Variants in GCNT2 observed in about 807,000 individuals in gnomAD.
GCNT2 encodes N-acetyllactosaminide beta-1,6-N-acetylglucosaminyl-transferase.
Under a neutral mutation model 34.2 loss-of-function variants are expected in GCNT2, and 34 were observed. The observed-to-expected ratio is 1.00, with a 90% CI of 0.76 to 1.32. The LOEUF (loss-of-function observed/expected upper bound fraction) is 1.32, where lower values mean the gene tolerates loss of function less well. Among genes scored for constraint, GCNT2 ranks in the 40% most tolerant of loss-of-function variants. GCNT2 has a pLI of 0.00. For synonymous variants in GCNT2, 212 were observed against 188.0 expected (o/e 1.13, Z -1.04); for missense variants, 584 against 489.4 (o/e 1.19, Z -1.82).
At chr6:10,581,069 A>G (rs1289310216) in intron 3 of GCNT2, among the ~76,000 whole-genome samples, 1 of 152,098 alleles carries the variant, frequency 6.6e-6, no homozygotes, top group East Asian at 1.9e-4. Flanking sequence ...CTGCCCAATT[A>G]TTTACTGGAA....
intron 3 of GCNT2, among the ~76,000 whole-genome samples, chr6:10,604,881 A>AAG: frequency 7.5e-6 from 1 of 133,748 alleles, no homozygotes. Context: ...AAGAAAAAGA[A>AAG]AGAAAAATGT....
At chr6:10,585,750 C>A in intron 3 of GCNT2, 1 of 1,404,240 alleles carries the variant, frequency 7.1e-7, no homozygotes, top group South Asian at 1.5e-5. Context: ...GGATTCAACC[C>A]TGGGGAACTG....
chr6:10,582,430 A>G (rs1331839865), intron 3 of GCNT2, among the ~76,000 whole-genome samples: 1 of 125,706 alleles, frequency 8.0e-6, no homozygotes, highest in Non-Finnish European at 1.6e-5. Context: ...TATATACTAT[A>G]ATTTAATATT....
In GCNT2 at chr6:10,535,146, T is replaced by G. The variant is rs375529530; in HGVS notation, c.925+5310T>G. Among the ~76,000 whole-genome samples, 47 of 152,252 alleles carry G rather than the reference T, an allele frequency of 3.1e-4. No homozygotes were observed. The East Asian group carries it at 6.8e-3, about 22-fold the overall frequency. ...TTGCAATGAGCCGAGATCGCGCCAC[T>G]GCACTTCAGCCTGGGTGACAGAGCG... On this transcript the variant is annotated intron_variant, in intron 3 of 4. Coordinates refer to ENST00000495262, the MANE Select transcript of GCNT2 (RefSeq NM_145649.5).
Position 10,529,849 on chromosome 6 carries a change from C to G in GCNT2, c.925+13C>G. The G allele has an allele frequency of 1.9e-6, 3 of 1,600,672 alleles. No homozygotes were observed. Among genetic ancestry groups the G allele is most frequent in the Non-Finnish European group, 2.6e-6 (3 of 1,168,612 alleles). On this transcript the variant is annotated intron_variant, in intron 3 of 4. Coordinates refer to ENST00000495262, the MANE Select transcript of GCNT2 (RefSeq NM_145649.5). The stretch of plus-strand genomic sequence containing the variant: ...AACAGGATTCCCGGTATGTACGTCT[C>G]TTAACTTTTATTTTTACGAATAAAC...
chr6:10,622,125 TTCC>T (rs1561842993), intron 4 of GCNT2, among the ~76,000 whole-genome samples: 1 of 152,160 alleles, frequency 6.6e-6, no homozygotes, highest in African/African-American at 2.4e-5. Context: ...GCAAGAAGGG[TTCC>T]CCTCCAAATG....
intron 3 of GCNT2, among the ~76,000 whole-genome samples, chr6:10,582,451 T>C (rs6907026): frequency 8.0e-6 from 1 of 125,164 alleles, no homozygotes; most frequent in Non-Finnish European, 1.6e-5. Context: ...TATTATATAA[T>C]ATATATAATA....
intron 3 of GCNT2, among the ~76,000 whole-genome samples, chr6:10,540,228 G>C (rs899446233): frequency 6.6e-6 from 1 of 152,160 alleles, no homozygotes; most frequent in Non-Finnish European, 1.5e-5. Context: ...AATGTCACCT[G>C]TCTGTAGTCT....
At chr6:10,616,686 C>G (rs1425383501) in intron 3 of GCNT2, among the ~76,000 whole-genome samples, 1 of 152,192 alleles carries the variant, frequency 6.6e-6, no homozygotes, top group South Asian at 2.1e-4. Context: ...TTGGTGCACT[C>G]ACAAACCCTG....
At chr6:10,581,989 T>C (rs1764086851) in intron 3 of GCNT2, 1 of 264,162 alleles carries the variant, frequency 3.8e-6, no homozygotes, top group Non-Finnish European at 5.7e-6. Flanking sequence ...CACTTATATG[T>C]ATATATAAAT....
intron 3 of GCNT2, chr6:10,556,278 A>ACGC (rs2113658918): frequency 6.7e-7 from 1 of 1,499,904 alleles, no homozygotes; most frequent in East Asian, 2.4e-5. Context: ...GACTCTCGGG[A>ACGC]TGAAACGGAA....
At chr6:10,624,040 G>A (rs1382959167) in intron 4 of GCNT2, among the ~76,000 whole-genome samples, 2 of 152,060 alleles carry the variant, frequency 1.3e-5, no homozygotes, top group Non-Finnish European at 2.9e-5. Context: ...GTATTGGTGG[G>A]GAGTGTTGCG....
Position 10,529,204 on chromosome 6 carries a change from C to T in GCNT2, c.293C>T (p.Ala98Val). Reference sequence around the variant, plus strand: ...GAAGAAGAGGCTGGGTTCCCTTTAGCTTACACAGTGACCATCCACAAAGAC... The same window carrying T: ...GAAGAAGAGGCTGGGTTCCCTTTAGTTTACACAGTGACCATCCACAAAGAC... ...LSEEEAGFPL[A>V]YTVTIHKDFG... is the part of the protein sequence containing the mutation. Residue 98 changes from alanine to valine, a missense_variant, in exon 3 of 5, where the codon GCT becomes GTT. Transcript: ENST00000495262. 1 of 1,614,190 alleles carries T rather than the reference C, an allele frequency of 6.2e-7. No individual in the cohort carries two copies. Among genetic ancestry groups the T allele is most frequent in the Non-Finnish European group, 8.5e-7 (1 of 1,180,026 alleles).
At chr6:10,621,850 C>T (rs556241415) in intron 4 of GCNT2, among the ~76,000 whole-genome samples, 80 of 152,214 alleles carry the variant, frequency 5.3e-4, no homozygotes, top group African/African-American at 1.6e-3. Context: ...GGACCACAGG[C>T]GTGCACCACC....
At chr6:10,626,228 G>A (rs1239710372) in intron 4 of GCNT2, among the ~76,000 whole-genome samples, 189 bp from the exon 5 acceptor site, 1 of 151,832 alleles carries the variant, frequency 6.6e-6, no homozygotes, top group African/African-American at 2.4e-5. Flanking sequence ...TAACATATTT[G>A]TACCTCTTGT....
At chr6:10,587,298 C>T (rs1764400251) in intron 3 of GCNT2, among the ~76,000 whole-genome samples, 1 of 152,208 alleles carries the variant, frequency 6.6e-6, no homozygotes. Context: ...TGTTAGACAT[C>T]GCTTTCATTG....
At chr6:10,602,903 C>T (rs1191750936) in intron 3 of GCNT2, among the ~76,000 whole-genome samples, 1 of 152,180 alleles carries the variant, frequency 6.6e-6, no homozygotes, top group Non-Finnish European at 1.5e-5. Context: ...CTATTGATTT[C>T]AGACAGAGAG....
chr6:10,531,010 C>T (rs495317), intron 3 of GCNT2, among the ~76,000 whole-genome samples: 12,597 of 148,282 alleles, frequency 0.085, 593 homozygotes, highest in Middle Eastern at 0.13. Context: ...GCCAAGATCA[C>T]GTCATCGCAC....
At chr6:10,586,431 C>T (rs754757915) in intron 3 of GCNT2, 3 of 1,614,150 alleles carry the variant, frequency 1.9e-6, no homozygotes. Context: ...GAGTTGCTTC[C>T]AAAATGCTTT....
Sources: allele counts gnomAD v4.1 joint callset (sites outside exome capture counted in the v4.1 genomes callset), GRCh38; gene constraint gnomAD v4.1.1; transcripts MANE v1.5; gene names NCBI Gene and HGNC (gene_info 2026-07-23, HGNC 2026-07-21).